Variants in CRISPLD2 observed in about 807,000 individuals in gnomAD.
The protein encoded by CRISPLD2 is cysteine rich secretory protein LCCL domain containing 2.
A neutral mutation model predicts 71.1 loss-of-function variants in CRISPLD2; 47 were observed. That is an observed-to-expected ratio of 0.66 (90% CI 0.52 to 0.84). CRISPLD2 has a LOEUF of 0.84. Ranked by LOEUF, CRISPLD2 falls within the 40% of genes least tolerant of loss-of-function variation. The probability of loss-of-function intolerance (pLI) is 0.00; values close to 1 mark genes in which losing one functional copy is unlikely to be tolerated. For missense variants in CRISPLD2, 830 were observed against 651.1 expected, an observed-to-expected ratio of 1.27 and a Z score of -2.99; for synonymous variants, 317 against 250.1, an observed-to-expected ratio of 1.27 and a Z score of -2.52.
At position 84,854,734 on chromosome 16, in the gene CRISPLD2, A is replaced by C. The variant is rs754183179; in HGVS notation, c.614A>C (p.Asn205Thr). Reference sequence around the variant, plus strand: ...GTTTTTGGGTCTGTCCTCAGGGGGAACTGGATTGGAGAAGCCCCCTACAAG... The same window carrying C: ...GTTTTTGGGTCTGTCCTCAGGGGGACCTGGATTGGAGAAGCCCCCTACAAG... ...YFVCNYSPKG[N>T]WIGEAPYKNG... The change falls in exon 6 of 15, where the codon AAC (asparagine) becomes ACC (threonine). Residue 205 changes from asparagine (N) to threonine (T), a missense_variant. Coordinates refer to ENST00000262424, the MANE Select transcript of CRISPLD2 (RefSeq NM_031476.4). 24 of 1,613,546 alleles carry C rather than the reference A, an allele frequency of 1.5e-5. No homozygotes were observed. The African/African-American group carries it at 2.8e-4, about 19-fold the overall frequency.
intron 14 of CRISPLD2, among the ~76,000 whole-genome samples, chr16:84,903,850 A>G (rs2646111): frequency 0.24 from 36,883 of 152,130 alleles, 7,614 homozygotes; most frequent in African/African-American, 0.55. Flanking sequence ...TGTGGACCTC[A>G]GATAAGAACA....
intron 1 of CRISPLD2, among the ~76,000 whole-genome samples, chr16:84,824,106 G>C (rs1295896448): frequency 1.3e-5 from 2 of 152,202 alleles, no homozygotes; most frequent in Admixed American, 1.3e-4. Flanking sequence ...TTGCGAGCAG[G>C]GGAAGATGAT....
chr16:84,864,022 T>C (rs1401691993), intron 6 of CRISPLD2, among the ~76,000 whole-genome samples: 1 of 116,588 alleles, frequency 8.6e-6, no homozygotes, highest in African/African-American at 3.4e-5. Flanking sequence ...GAAAGAAAAA[T>C]GCATGCCGGG....
At chr16:84,875,471 T>G (rs1362811661) in intron 11 of CRISPLD2, among the ~76,000 whole-genome samples, 2 of 151,036 alleles carry the variant, frequency 1.3e-5, no homozygotes, top group African/African-American at 4.9e-5. Flanking sequence ...GTTAGTATAT[T>G]TTATCTGTAG....
chr16:84,889,091 G>C, intron 13 of CRISPLD2, 139 bp from the exon 14 acceptor site: 2 of 946,280 alleles, frequency 2.1e-6, no homozygotes, highest in Non-Finnish European at 3.2e-6. Context: ...CATCAAGGTA[G>C]TGATGATTAT....
intron 1 of CRISPLD2, among the ~76,000 whole-genome samples, chr16:84,833,796 A>T (rs2143158079): frequency 6.6e-6 from 1 of 152,288 alleles, no homozygotes; most frequent in Non-Finnish European, 1.5e-5. Context: ...TGGGGGTGAC[A>T]CGTTGGTGCC....
chr16:84,826,603 G>A (rs1004043149), intron 1 of CRISPLD2, among the ~76,000 whole-genome samples: 7 of 152,198 alleles, frequency 4.6e-5, no homozygotes, highest in Non-Finnish European at 1.0e-4. Flanking sequence ...CGTTCGCCCC[G>A]GGAGGGAAGA....
intron 11 of CRISPLD2, among the ~76,000 whole-genome samples, chr16:84,875,904 T>C (rs1206541992): frequency 6.6e-6 from 1 of 152,074 alleles, no homozygotes; most frequent in Non-Finnish European, 1.5e-5. Flanking sequence ...AAACCTAATG[T>C]GAATGATCTC....
At chr16:84,833,684 C>G (rs1039632712) in intron 1 of CRISPLD2, among the ~76,000 whole-genome samples, 1 of 152,150 alleles carries the variant, frequency 6.6e-6, no homozygotes, top group African/African-American at 2.4e-5. Flanking sequence ...ATCAGCTCAT[C>G]ATATCTGGGT....
intron 6 of CRISPLD2, among the ~76,000 whole-genome samples, chr16:84,865,034 G>A (rs1372667985): frequency 6.6e-6 from 1 of 152,154 alleles, no homozygotes; most frequent in Admixed American, 6.5e-5. Flanking sequence ...TTTGCCCCTC[G>A]TTTGGCTGTT....
intron 11 of CRISPLD2, among the ~76,000 whole-genome samples, chr16:84,875,701 C>T (rs906593518): frequency 4.7e-5 from 7 of 149,668 alleles, no homozygotes; most frequent in Non-Finnish European, 5.9e-5. Flanking sequence ...GGATTACAGG[C>T]ACCCGCCACC....
chr16:84,863,707 TG>T (rs920066213), intron 6 of CRISPLD2, among the ~76,000 whole-genome samples: 1 of 152,140 alleles, frequency 6.6e-6, no homozygotes, highest in African/African-American at 2.4e-5. Context: ...CGGTGGCTCA[TG>T]CCTGTAATCC....
At chr16:84,897,093 T>C (rs373299964) in intron 14 of CRISPLD2, among the ~76,000 whole-genome samples, 19 of 152,354 alleles carry the variant, frequency 1.2e-4, no homozygotes, top group East Asian at 1.2e-3. Context: ...CCCGTGCTTC[T>C]GGGGAGCTCT....
In CRISPLD2 at chr16:84,875,414, C is replaced by CTTTTTT. The variant is rs34028519; in HGVS notation, c.1156+1469_1156+1474dup. Among the ~76,000 whole-genome samples the CTTTTTT allele has an allele frequency of 6.2e-4, 54 of 87,786 alleles. 2 individuals are homozygous for CTTTTTT. Among genetic ancestry groups the CTTTTTT allele is most frequent in the African/African-American group, 2.7e-3 (49 of 18,018 alleles). 57.6% of individuals were successfully genotyped at this position (87,786 alleles called of 152,430 possible). On this transcript the variant is annotated intron_variant, in intron 11 of 14. Coordinates refer to ENST00000262424, the MANE Select transcript of CRISPLD2 (RefSeq NM_031476.4). ...GAGAAACATGAGATTTATGCATGGA[C>CTTTTTT]TTTTTTTTTTTTTTTTTTTTTTTGT...
intron 14 of CRISPLD2, among the ~76,000 whole-genome samples, chr16:84,892,560 G>C (rs913542689): frequency 3.3e-5 from 5 of 152,180 alleles, no homozygotes; most frequent in Admixed American, 1.3e-4. Flanking sequence ...GCCACCAACG[G>C]TGGGTGCTCA....
chr16:84,853,157 C>T (rs998455744), intron 5 of CRISPLD2, among the ~76,000 whole-genome samples: 9 of 152,098 alleles, frequency 5.9e-5, no homozygotes, highest in African/African-American at 7.2e-5. Context: ...GAGCTGGGAG[C>T]GTCAGTGGTG....
intron 1 of CRISPLD2, among the ~76,000 whole-genome samples, chr16:84,821,712 A>T (rs774307362): frequency 1.1e-4 from 17 of 152,204 alleles, no homozygotes; most frequent in Non-Finnish European, 2.5e-4. Context: ...AGGAGAAACC[A>T]AGAGGGTGAT....
At chr16:84,837,382 G>A (rs1461892118) in intron 1 of CRISPLD2, among the ~76,000 whole-genome samples, 1 of 151,670 alleles carries the variant, frequency 6.6e-6, no homozygotes, top group Non-Finnish European at 1.5e-5. Context: ...CCGGCCCTGG[G>A]CTTGTCTTGT....
rs1336265865 is a variant in CRISPLD2 at position 84,868,899 on chromosome 16, C to T, written c.902C>T (p.Ser301Phe). The T allele has an allele frequency of 6.2e-7, 1 of 1,606,614 alleles. No individual in the cohort carries two copies. Among genetic ancestry groups the T allele is most frequent in the Non-Finnish European group, 8.5e-7 (1 of 1,176,804 alleles). The stretch of plus-strand genomic sequence containing the variant: ...AAGATGAAGGACAGGTGCAAAGGGT[C>T]CACGTGTAACAGGTGAGCCTGTGCT... ...DTKMKDRCKG[S>F]TCNRYQCPAG... is the part of the protein sequence containing the mutation. Residue 301 changes from serine to phenylalanine, a missense_variant, in exon 8 of 15, where the codon TCC becomes TTC. Coordinates refer to ENST00000262424, the MANE Select transcript of CRISPLD2 (RefSeq NM_031476.4).
Sources: gnomAD v4.1 joint callset for allele counts (sites outside exome capture counted in the v4.1 genomes callset) on GRCh38, gnomAD v4.1.1 for gene constraint, MANE v1.5 for transcripts, NCBI Gene and HGNC (gene_info 2026-07-23, HGNC 2026-07-21) for gene names.